Variants in LUZP2 observed in about 807,000 individuals in gnomAD.
The protein encoded by LUZP2 is leucine zipper protein 2.
In LUZP2, 52 loss-of-function variants were observed where a neutral mutation model predicts 51.6. That is an observed-to-expected ratio of 1.01 (90% CI 0.81 to 1.27). The LOEUF (loss-of-function observed/expected upper bound fraction) is 1.27, where lower values mean the gene tolerates loss of function less well. LUZP2 is among the 50% of genes most tolerant of loss of function. LUZP2 has a pLI of 0.00. For missense variants in LUZP2, 436 were observed against 395.4 expected (o/e 1.10, Z -0.87); for synonymous variants, 154 against 137.3 (o/e 1.12, Z -0.85).
intron 1 of LUZP2, among the ~76,000 whole-genome samples, chr11:24,710,320 C>A (rs745897757): frequency 2.0e-5 from 3 of 152,156 alleles, no homozygotes; most frequent in African/African-American, 7.2e-5. Flanking sequence ...TGGCTAGATA[C>A]AGTTTGCAGA....
At chr11:24,606,189 A>G (rs1370558787) in intron 1 of LUZP2, among the ~76,000 whole-genome samples, 1 of 151,948 alleles carries the variant, frequency 6.6e-6, no homozygotes, top group Non-Finnish European at 1.5e-5. Context: ...ACACATAAAG[A>G]TGATCTCTAA....
chr11:24,876,846 A>G (rs10767265), intron 5 of LUZP2, among the ~76,000 whole-genome samples: 74,702 of 151,852 alleles, frequency 0.49, 18,789 homozygotes, highest in East Asian at 0.69. Flanking sequence ...GGTAGAACAC[A>G]GACATAGAGA....
chr11:24,547,860 A>G (rs577344217), intron 1 of LUZP2, among the ~76,000 whole-genome samples: 15 of 152,202 alleles, frequency 9.9e-5, no homozygotes, highest in Admixed American at 9.2e-4. Flanking sequence ...ACTTAAATCA[A>G]TAAGCCAGAA....
chr11:24,983,062 A>G, intron 8 of LUZP2, 64 bp from the exon 9 acceptor site: 1 of 1,512,744 alleles, frequency 6.6e-7, no homozygotes, highest in South Asian at 1.2e-5. Flanking sequence ...GGAAAGGGAG[A>G]ATGCAAGCAG....
At chr11:24,574,394 A>C (rs1177221868) in intron 1 of LUZP2, among the ~76,000 whole-genome samples, 2 of 138,824 alleles carry the variant, frequency 1.4e-5, no homozygotes, top group Non-Finnish European at 3.1e-5. Context: ...TCTTTCTTTC[A>C]TCTCTCTCTC....
At chr11:25,000,096 G>C (rs1243676629) in intron 9 of LUZP2, among the ~76,000 whole-genome samples, 1 of 152,130 alleles carries the variant, frequency 6.6e-6, no homozygotes, top group Non-Finnish European at 1.5e-5. Context: ...AGTGCTGATT[G>C]GTGCGGTTAC....
At chr11:24,602,102 G>GTATATA (rs1234380532) in intron 1 of LUZP2, among the ~76,000 whole-genome samples, 1 of 81,422 alleles carries the variant, frequency 1.2e-5, no homozygotes, top group Non-Finnish European at 2.6e-5. Flanking sequence ...GTATATATGT[G>GTATATA]TATATGTGTA....
intron 1 of LUZP2, among the ~76,000 whole-genome samples, chr11:24,676,139 A>G (rs1205184739): frequency 2.0e-5 from 3 of 152,166 alleles, no homozygotes; most frequent in Non-Finnish European, 4.4e-5. Flanking sequence ...TAAAGCACAG[A>G]AAAATCAACA....
intron 5 of LUZP2, among the ~76,000 whole-genome samples, chr11:24,763,896 CAATT>C (rs1379914298): frequency 4.6e-5 from 7 of 152,004 alleles, no homozygotes; most frequent in African/African-American, 7.2e-5. Flanking sequence ...TTATTAAATG[CAATT>C]AATTAAGACC....
chr11:24,915,245 G>A (rs1853755324), intron 7 of LUZP2, among the ~76,000 whole-genome samples: 1 of 152,030 alleles, frequency 6.6e-6, no homozygotes, highest in African/African-American at 2.4e-5. Flanking sequence ...ACAATGTTAT[G>A]ATTTATTTCA....
At chr11:24,986,503 C>A (rs1422251736) in intron 9 of LUZP2, among the ~76,000 whole-genome samples, 1 of 149,748 alleles carries the variant, frequency 6.7e-6, no homozygotes, top group Non-Finnish European at 1.5e-5. Flanking sequence ...AATCAGGGTC[C>A]TCCTAACCCA....
chr11:24,638,460 A>G (rs2133940294), intron 1 of LUZP2, among the ~76,000 whole-genome samples: 1 of 151,842 alleles, frequency 6.6e-6, no homozygotes, highest in South Asian at 2.1e-4. Context: ...AGTATTCTAA[A>G]AACTATATAG....
intron 1 of LUZP2, among the ~76,000 whole-genome samples, chr11:24,643,639 T>C (rs1401659994): frequency 2.0e-5 from 3 of 152,172 alleles, no homozygotes; most frequent in African/African-American, 7.2e-5. Flanking sequence ...CAATAATAAG[T>C]TGTGTTAAAT....
intron 1 of LUZP2, among the ~76,000 whole-genome samples, chr11:24,680,566 G>GTT (rs1856700337): frequency 2.0e-5 from 3 of 152,142 alleles, no homozygotes; most frequent in Admixed American, 1.3e-4. Context: ...AAGATCTTCA[G>GTT]TTCCTCTATT....
chr11:24,784,660 CAA>C (rs1849188029), intron 5 of LUZP2, among the ~76,000 whole-genome samples: 1 of 151,958 alleles, frequency 6.6e-6, no homozygotes, highest in Admixed American at 6.6e-5. Flanking sequence ...CATGTTCACT[CAA>C]AGAGTGAGTC....
At chr11:24,658,020 A>G (rs1206000565) in intron 1 of LUZP2, among the ~76,000 whole-genome samples, 3 of 152,188 alleles carry the variant, frequency 2.0e-5, no homozygotes, top group Admixed American at 2.0e-4. Context: ...TATAGATTCA[A>G]TGCCATCTCC....
intron 1 of LUZP2, among the ~76,000 whole-genome samples, chr11:24,656,552 G>T (rs1224786514): frequency 6.6e-6 from 1 of 152,188 alleles, no homozygotes; most frequent in Non-Finnish European, 1.5e-5. Context: ...AAATCAAGGT[G>T]TCTGCAGGGC....
At chr11:24,568,029 A>G (rs939885392) in intron 1 of LUZP2, among the ~76,000 whole-genome samples, 3 of 152,186 alleles carry the variant, frequency 2.0e-5, no homozygotes, top group Admixed American at 2.0e-4. Flanking sequence ...AGATTGTTGG[A>G]CTGGATTTTG....
intron 1 of LUZP2, among the ~76,000 whole-genome samples, chr11:24,725,599 GA>G (rs545999777): frequency 1.1e-3 from 174 of 151,934 alleles, no homozygotes; most frequent in African/African-American, 3.9e-3. Flanking sequence ...AGAAATTGGA[GA>G]GGGGTAAATG....
Sources: allele counts gnomAD v4.1 joint callset (sites outside exome capture counted in the v4.1 genomes callset), GRCh38; gene constraint gnomAD v4.1.1; transcripts MANE v1.5; gene names NCBI Gene and HGNC (gene_info 2026-07-23, HGNC 2026-07-21).